The following ITSN1 variants were observed in gnomAD, a reference collection of about 807,000 sequenced individuals.
ITSN1 encodes the protein intersectin-1.
Under a neutral mutation model 239.8 loss-of-function variants are expected in ITSN1, and 58 were observed. The ratio of observed to expected loss-of-function variants is 0.24; its 90% CI spans 0.20 to 0.30. The LOEUF is 0.30. Among genes scored for constraint, ITSN1 ranks in the 10% least tolerant of loss-of-function variants. ITSN1 has a pLI of 1.00. For synonymous variants in ITSN1, 780 were observed against 770.8 expected (o/e 1.01, Z -0.20); for missense variants, 1,558 against 2,103.3 (o/e 0.74, Z 5.07).
At chr21:33,800,072 A>C in intron 19 of ITSN1, 143 bp downstream of exon 19, 17 of 735,928 alleles carry the variant, frequency 2.3e-5, no homozygotes, top group Non-Finnish European at 3.2e-5. Context: ...GTATAAGCTC[A>C]ATCTTCTTTC....
chr21:33,749,090 G>A (rs2067377141), intron 5 of ITSN1, among the ~76,000 whole-genome samples: 1 of 151,054 alleles, frequency 6.6e-6, no homozygotes, highest in South Asian at 2.1e-4. Flanking sequence ...TTCGGCATAA[G>A]TGATCCTCCC....
At chr21:33,845,757 G>A (rs1175364794) in intron 29 of ITSN1, among the ~76,000 whole-genome samples, 5 of 152,054 alleles carry the variant, frequency 3.3e-5, no homozygotes, top group Admixed American at 1.3e-4. Flanking sequence ...TTGAGTCCCC[G>A]TCATGACCCG....
In ITSN1 at chr21:33,660,126, A is replaced by G. The variant is rs76209300; in HGVS notation, c.-33+17413A>G. 2.3e-3 allele frequency among the ~76,000 whole-genome samples: 343 copies of G among 151,826 alleles called. 17 individuals are homozygous for G. In the East Asian group the frequency reaches 0.051, roughly 23 times the overall value. On this transcript the variant is annotated intron_variant, in intron 1 of 39. Transcript: ENST00000381318. ...CTGGTCTTAGTCCAGGCCTTTATAT[A>G]TTTTTTCACTTTACTACTTTGCTCT...
In ITSN1 at chr21:33,892,312, A is replaced by G. The variant is rs1402097078; in HGVS notation, c.*4012A>G. On this transcript the variant is annotated 3_prime_UTR_variant, in exon 40 of 40. Coordinates refer to ENST00000381318, the MANE Select transcript of ITSN1 (RefSeq NM_003024.3). The stretch of plus-strand genomic sequence containing the variant: ...GCCACCATAAGAGGCATTAGGGAAA[A>G]CTAACACCTCCTTCTTTTTGCACCG... 6.6e-6 allele frequency: 1 copy of G among 152,192 alleles called. No homozygotes were observed. Among genetic ancestry groups the G allele is most frequent in the Non-Finnish European group, 1.5e-5 (1 of 68,026 alleles). The allele number at this position is 152,192 out of a possible 1,614,324, so 9.4% of individuals were successfully genotyped here. A position where few individuals can be genotyped will look rare whatever the true frequency, so the allele number is the denominator to read the frequency against.
At chr21:33,854,704 A>G (rs1375915832) in intron 29 of ITSN1, among the ~76,000 whole-genome samples, 2 of 152,182 alleles carry the variant, frequency 1.3e-5, no homozygotes, top group African/African-American at 4.8e-5. Context: ...ATAAAAGACA[A>G]TCTATGCCCT....
intron 1 of ITSN1, among the ~76,000 whole-genome samples, chr21:33,673,730 C>A (rs1279976363): frequency 6.6e-6 from 1 of 152,198 alleles, no homozygotes; most frequent in Non-Finnish European, 1.5e-5. Flanking sequence ...GCCAGGATGT[C>A]ACCTTTTCAT....
At chr21:33,884,146 C>T (rs923634570) in intron 36 of ITSN1, among the ~76,000 whole-genome samples, 1 of 152,076 alleles carries the variant, frequency 6.6e-6, no homozygotes, top group Admixed American at 6.6e-5. Context: ...AAGGGATCCA[C>T]CCGCCTTGGC....
At chr21:33,682,760 G>A (rs2091038296) in intron 1 of ITSN1, among the ~76,000 whole-genome samples, 2 of 151,972 alleles carry the variant, frequency 1.3e-5, no homozygotes, top group African/African-American at 2.4e-5. Flanking sequence ...GACCTCAGGT[G>A]ATCCACTCAC....
rs1986645231 is a variant in ITSN1 at position 33,895,371 on chromosome 21, T to C, written c.*7071T>C. ...TTCTGGAATTTTAGGTGGAAGGGAA[T>C]TTTTGTTGGTGGGACGCAGCAGCTC... is the stretch of plus-strand genomic sequence containing the variant. On this transcript the variant is annotated 3_prime_UTR_variant, in exon 40 of 40. Transcript: ENST00000381318. The C allele has an allele frequency of 6.6e-6, 1 of 152,556 alleles. No individual in the cohort carries two copies. The highest frequency in any genetic ancestry group is 6.5e-5 in the Admixed American group (1 of 15,288). 9.5% of individuals were successfully genotyped at this position (152,556 alleles called of 1,614,324 possible).
At chr21:33,645,193 G>A (rs1365370354) in intron 1 of ITSN1, among the ~76,000 whole-genome samples, 1 of 152,124 alleles carries the variant, frequency 6.6e-6, no homozygotes, top group Middle Eastern at 3.2e-3. Flanking sequence ...TTGATGACAC[G>A]AGAGTTGGGA....
intron 16 of ITSN1, among the ~76,000 whole-genome samples, chr21:33,782,973 C>T (rs1307192775): frequency 2.0e-5 from 3 of 151,710 alleles, no homozygotes; most frequent in African/African-American, 4.8e-5. Flanking sequence ...TGCAGTAAGC[C>T]AAGATCACGC....
chr21:33,794,131 G>A (rs1199633373), intron 16 of ITSN1, among the ~76,000 whole-genome samples: 1 of 152,172 alleles, frequency 6.6e-6, no homozygotes, highest in Non-Finnish European at 1.5e-5. Flanking sequence ...AATGTGTATG[G>A]CTCATTAGAA....
At chr21:33,792,149 A>G (rs775387320) in intron 16 of ITSN1, among the ~76,000 whole-genome samples, 4 of 152,158 alleles carry the variant, frequency 2.6e-5, no homozygotes, top group Non-Finnish European at 5.9e-5. Flanking sequence ...CTGCCAGCTC[A>G]TATCAGGGAC....
intron 4 of ITSN1, among the ~76,000 whole-genome samples, chr21:33,731,691 TAAAAG>T (rs1158758355): frequency 1.3e-5 from 2 of 152,080 alleles, no homozygotes; most frequent in African/African-American, 2.4e-5. Flanking sequence ...TTTCAGCAGA[TAAAAG>T]GAAGAAGAAA....
intron 1 of ITSN1, among the ~76,000 whole-genome samples, chr21:33,652,389 G>A (rs1297165095): frequency 1.3e-5 from 2 of 152,098 alleles, no homozygotes; most frequent in East Asian, 1.9e-4. Flanking sequence ...TTCAGTCTTC[G>A]TTGCCTTGCC....
At chr21:33,767,616 G>C in intron 10 of ITSN1, 97 bp from the exon 11 acceptor site, 1 of 552,126 alleles carries the variant, frequency 1.8e-6, no homozygotes, top group Non-Finnish European at 3.2e-6. Flanking sequence ...TTGCTCCATG[G>C]CATGGTAAAA....
chr21:33,875,396 T>C lies in ITSN1; in HGVS notation c.4216T>C (p.Leu1406=), dbSNP rs1165682120. The C allele has an allele frequency of 8.7e-6, 14 of 1,613,898 alleles. No homozygotes were observed. Among genetic ancestry groups the C allele is most frequent in the African/African-American group, 4.0e-5 (3 of 74,872 alleles). The stretch of plus-strand genomic sequence containing the variant: ...TGAAAACCACCCGGACCACAGCCAC[T>C]TGAAGCACGCCCTGGAGAAGGCGGA... ...TPENHPDHSH[L]KHALEKAEEL... is the part of the protein sequence containing the mutation. Residue 1406 remains leucine (L), a synonymous_variant, in exon 34 of 40, where the codon TTG becomes CTG. Coordinates refer to ENST00000381318, the MANE Select transcript of ITSN1 (RefSeq NM_003024.3).
chr21:33,883,783 C>A, intron 36 of ITSN1, 112 bp downstream of exon 36: 1 of 1,310,744 alleles, frequency 7.6e-7, no homozygotes, highest in Non-Finnish European at 1.0e-6. Flanking sequence ...ATGCCATCAC[C>A]CCTAGCTGGG....
At chr21:33,686,944 G>T (rs2091272021) in intron 1 of ITSN1, among the ~76,000 whole-genome samples, 1 of 152,162 alleles carries the variant, frequency 6.6e-6, no homozygotes, top group Non-Finnish European at 1.5e-5. Flanking sequence ...GGCCAATGTG[G>T]TGGATATTTC....
Sources: gnomAD v4.1 joint callset for allele counts (sites outside exome capture counted in the v4.1 genomes callset) on GRCh38, gnomAD v4.1.1 for gene constraint, MANE v1.5 for transcripts, NCBI Gene and HGNC (gene_info 2026-07-23, HGNC 2026-07-21) for gene names.